UQCC1: variants seen among roughly 807,000 people sequenced by gnomAD.
The protein encoded by UQCC1 is bFGF-repressed Zic-binding protein.
Under a neutral mutation model 48.0 loss-of-function variants are expected in UQCC1, and 38 were observed. The observed-to-expected ratio is 0.79, with a 90% CI of 0.61 to 1.04. The LOEUF (loss-of-function observed/expected upper bound fraction) is 1.04. Among genes scored for constraint, UQCC1 ranks in the 50% least tolerant of loss-of-function variants. The probability of loss-of-function intolerance (pLI) is 0.00; values close to 1 mark genes in which losing one functional copy is unlikely to be tolerated. For missense variants in UQCC1, 368 were observed against 381.8 expected (o/e 0.96, Z 0.30); for synonymous variants, 111 against 129.2 (o/e 0.86, Z 0.95).
chr20:35,312,948 T>C (rs906314621), intron 8 of UQCC1, among the ~76,000 whole-genome samples: 5 of 152,164 alleles, frequency 3.3e-5, no homozygotes, highest in Non-Finnish European at 5.9e-5. Context: ...AGTTTCAGTT[T>C]GGAAGATGGA....
intron 4 of UQCC1, among the ~76,000 whole-genome samples, chr20:35,381,136 A>C (rs10485509): frequency 0.017 from 2,595 of 152,328 alleles, 33 homozygotes; most frequent in Non-Finnish European, 0.026. Context: ...TATAGCCACT[A>C]CTATTATAAC....
At chr20:35,384,179 G>C (rs2146489477) in intron 2 of UQCC1, 46 bp from the exon 3 acceptor site, 1 of 1,501,920 alleles carries the variant, frequency 6.7e-7, no homozygotes, top group Admixed American at 1.7e-5. Context: ...GCACTTACAG[G>C]GTTAATCTGA....
chr20:35,304,144 C>A (rs1432883946), intron 9 of UQCC1, 75 bp from the exon 10 acceptor site: 1 of 1,595,358 alleles, frequency 6.3e-7, no homozygotes, highest in Non-Finnish European at 8.6e-7. Context: ...AGGAACCAGC[C>A]TCCCAGAGGA....
At chr20:35,354,704 C>A (rs78140091) in intron 6 of UQCC1, among the ~76,000 whole-genome samples, 3,717 of 152,168 alleles carry the variant, frequency 0.024, 146 homozygotes, top group African/African-American at 0.086. Context: ...CAAAGGAGGG[C>A]AAATTCTCAT....
At chr20:35,328,124 A>G (rs1568659552) in intron 7 of UQCC1, among the ~76,000 whole-genome samples, 1 of 152,192 alleles carries the variant, frequency 6.6e-6, no homozygotes, top group African/African-American at 2.4e-5. Flanking sequence ...GTTCTTAGAA[A>G]GGTATTTTAT....
At chr20:35,344,669 G>C (rs145543735) in intron 7 of UQCC1, 2 of 152,290 alleles carry the variant, frequency 1.3e-5, no homozygotes, top group African/African-American at 4.8e-5. Flanking sequence ...ATACCTTAAA[G>C]GCTGCCGATC....
At chr20:35,308,864 G>A (rs2060957597) in intron 8 of UQCC1, among the ~76,000 whole-genome samples, 1 of 152,112 alleles carries the variant, frequency 6.6e-6, no homozygotes, top group Non-Finnish European at 1.5e-5. Flanking sequence ...ACGGGCATGT[G>A]CCATCACACC....
At chr20:35,411,834 A>C (rs894009982) in intron 1 of UQCC1, 106 bp downstream of exon 1, 1 of 1,507,434 alleles carries the variant, frequency 6.6e-7, no homozygotes, top group Non-Finnish European at 9.2e-7. Context: ...CCTAGCTATA[A>C]CACAGGCTTC....
chr20:35,390,881 T>G (rs1460456571), intron 2 of UQCC1, among the ~76,000 whole-genome samples: 1 of 152,048 alleles, frequency 6.6e-6, no homozygotes. Flanking sequence ...TCAATCTCAT[T>G]ATAAGAAAAT....
chr20:35,397,265 C>T (rs1353974764), intron 1 of UQCC1, among the ~76,000 whole-genome samples: 2 of 151,186 alleles, frequency 1.3e-5, no homozygotes, highest in African/African-American at 4.9e-5. Flanking sequence ...TCTGTAATCC[C>T]AGCACTTTGG....
intron 4 of UQCC1, among the ~76,000 whole-genome samples, chr20:35,376,719 C>T (rs536054071): frequency 7.9e-4 from 121 of 152,274 alleles, no homozygotes; most frequent in Non-Finnish European, 1.6e-3. Flanking sequence ...AATCCCAGCA[C>T]TTTGAGAGAC....
At chr20:35,385,211 G>T (rs1046948656) in intron 2 of UQCC1, among the ~76,000 whole-genome samples, 3 of 152,072 alleles carry the variant, frequency 2.0e-5, no homozygotes, top group African/African-American at 4.8e-5. Flanking sequence ...ATGAAAGAAG[G>T]TAAGATATAT....
intron 1 of UQCC1, 95 bp from the exon 2 acceptor site, chr20:35,394,291 A>AAT (rs2062048463): frequency 1.8e-6 from 2 of 1,131,880 alleles, no homozygotes; most frequent in Middle Eastern, 2.6e-4. Context: ...TATAATTAGA[A>AAT]ATATATATTT....
rs144984555 is a variant in UQCC1 at position 35,356,131 on chromosome 20, C to T, written c.465-8859G>A. On this transcript the variant is annotated intron_variant, in intron 6 of 9. Coordinates refer to ENST00000374385, the MANE Select transcript of UQCC1 (RefSeq NM_018244.5). ...CTCAAACTCATAAGCTCAAGTGATC[C>T]TCCTGCCTTGGCCTCCCAAAGTGCT... is the stretch of plus-strand genomic sequence containing the variant. Among the ~76,000 whole-genome samples, 1,009 of 152,312 alleles carry T rather than the reference C, an allele frequency of 6.6e-3. 14 individuals carry two copies. The highest frequency in any genetic ancestry group is 0.023 in the African/African-American group (964 of 41,560).
In UQCC1 at chr20:35,366,932, A is replaced by G. The variant is rs150746531; in HGVS notation, c.407-318T>C. Among the ~76,000 whole-genome samples, 67 of 152,048 alleles carry G rather than the reference A, an allele frequency of 4.4e-4. 1 individual carries two copies. In the East Asian group the frequency reaches 0.011, roughly 26 times the overall value. ...AACATGGCGAAACCCCATCTCTACT[A>G]AAAATACAAAAATTAACCAGGCGTG... On this transcript the variant is annotated intron_variant, in intron 5 of 9. Coordinates refer to ENST00000374385, the MANE Select transcript of UQCC1 (RefSeq NM_018244.5).
intron 7 of UQCC1, among the ~76,000 whole-genome samples, chr20:35,322,021 G>C (rs1264269927): frequency 6.6e-6 from 1 of 152,200 alleles, no homozygotes; most frequent in African/African-American, 2.4e-5. Context: ...GTACACTACG[G>C]TTCTGGGATG....
intron 2 of UQCC1, among the ~76,000 whole-genome samples, chr20:35,389,988 T>TA (rs1396960226): frequency 3.3e-5 from 5 of 152,038 alleles, no homozygotes; most frequent in Admixed American, 6.6e-5. Flanking sequence ...TACGCAGCCT[T>TA]AAAAAAAGAA....
chr20:35,311,764 TAAATC>T (rs1345642812), intron 8 of UQCC1, among the ~76,000 whole-genome samples: 1 of 152,212 alleles, frequency 6.6e-6, no homozygotes, highest in East Asian at 1.9e-4. Flanking sequence ...CTCCACCAAT[TAAATC>T]AGAATCTTTG....
At chr20:35,369,734 A>G (rs925223414) in intron 5 of UQCC1, among the ~76,000 whole-genome samples, 1 of 152,240 alleles carries the variant, frequency 6.6e-6, no homozygotes, top group Non-Finnish European at 1.5e-5. Flanking sequence ...AATGGTTAGT[A>G]TTAAGTTAGT....
Sources: allele counts gnomAD v4.1 joint callset (sites outside exome capture counted in the v4.1 genomes callset), GRCh38; gene constraint gnomAD v4.1.1; transcripts MANE v1.5; gene names NCBI Gene and HGNC (gene_info 2026-07-23, HGNC 2026-07-21).